Variants in USP10 observed in about 807,000 individuals in gnomAD.
USP10 encodes ubiquitin specific peptidase 10.
A neutral mutation model predicts 84.5 loss-of-function variants in USP10; 22 were observed. The ratio of observed to expected loss-of-function variants is 0.26; its 90% CI spans 0.19 to 0.37. The LOEUF (loss-of-function observed/expected upper bound fraction) is 0.37. USP10 is among the 10% of genes least tolerant of loss of function. USP10 has a pLI of 1.00. For synonymous variants in USP10, 454 were observed against 387.6 expected (o/e 1.17, Z -2.01); for missense variants, 1,019 against 998.9 (o/e 1.02, Z -0.27).
Position 84,744,825 on chromosome 16 carries a change from G to A in USP10, c.344G>A (p.Cys115Tyr), listed in dbSNP as rs781316897. 14 of 1,613,628 alleles carry A rather than the reference G, an allele frequency of 8.7e-6. No homozygotes were observed. The highest frequency in any genetic ancestry group is 1.2e-5 in the Non-Finnish European group (14 of 1,179,722). The change falls in exon 4 of 14, where the codon TGC becomes TAC. Residue 115 changes from cysteine (C) to tyrosine (Y), a missense_variant. Coordinates refer to ENST00000219473, the MANE Select transcript of USP10 (RefSeq NM_005153.3). ...GAAGCAAGCTATGGCTCCATCGACT[G>A]CCAGTACCCAGGCTCTGCCCTCGCT... The part of the protein sequence containing the change: ...TKEASYGSID[C>Y]QYPGSALALD...
rs745656947 is a variant in USP10 at position 84,700,076 on chromosome 16, A to G, written c.-15A>G. 8.1e-5 allele frequency: 111 copies of G among 1,373,454 alleles called. 1 individual carries two copies. Among genetic ancestry groups the G allele is most frequent in the Admixed American group, 5.5e-4 (22 of 39,666 alleles). 85.1% of individuals were successfully genotyped at this position (1,373,454 alleles called of 1,614,324 possible). On this transcript the variant is annotated 5_prime_UTR_variant, in exon 1 of 14. It removes an upstream start codon present in the reference 5' UTR. Transcript: ENST00000219473. ...GCAGCCGGAGGATCGCGGAGTCCCA[A>G]TGAAACGGGCAGCCATGGCCCTCCA... is the stretch of plus-strand genomic sequence containing the variant.
At chr16:84,701,011 C>A (rs1467245133) in intron 1 of USP10, among the ~76,000 whole-genome samples, 1 of 152,096 alleles carries the variant, frequency 6.6e-6, no homozygotes, top group Admixed American at 6.5e-5. Flanking sequence ...ACATCTGGTC[C>A]CTATAAATTG....
intron 4 of USP10, among the ~76,000 whole-genome samples, chr16:84,748,965 A>G (rs1479303564): frequency 6.6e-6 from 1 of 152,198 alleles, no homozygotes; most frequent in African/African-American, 2.4e-5. Context: ...AGTTATGAAG[A>G]TGTTTTAATT....
Position 84,763,937 on chromosome 16 carries a change from G to A in USP10, c.1655-149G>A, listed in dbSNP as rs1471124798. 4.8e-5 allele frequency: 47 copies of A among 975,992 alleles called. No homozygotes were observed. The African/African-American group carries it at 6.8e-4, about 14-fold the overall frequency. The allele number at this position is 975,992 out of a possible 1,614,324, so 60.5% of individuals were successfully genotyped here. Reference sequence around the variant, plus strand: ...TGCGATTGGCCGTGGATCCAGTGACGTTGCTCCTGTTGCGATTGGTTGCCG... The same window carrying A: ...TGCGATTGGCCGTGGATCCAGTGACATTGCTCCTGTTGCGATTGGTTGCCG... On this transcript the variant is annotated intron_variant, in intron 9 of 13. Coordinates refer to ENST00000219473, the MANE Select transcript of USP10 (RefSeq NM_005153.3).
chr16:84,756,280 G>A (rs73245634), intron 4 of USP10, among the ~76,000 whole-genome samples: 272 of 152,300 alleles, frequency 1.8e-3, no homozygotes, highest in African/African-American at 6.2e-3. Flanking sequence ...CGCCTTCAGC[G>A]AAAGGCAGCA....
At position 84,765,942 on chromosome 16, in the gene USP10, A is replaced by G. The variant is rs534059967; in HGVS notation, c.1832+1679A>G. ...TTCAGCAAAACTTGTACCATCTCCAAGAAGGTTTACCCATCGAAAGTACTG... is the reference window on the plus strand; with the variant it reads ...TTCAGCAAAACTTGTACCATCTCCAGGAAGGTTTACCCATCGAAAGTACTG... On this transcript the variant is annotated intron_variant, in intron 10 of 13. Transcript: ENST00000219473. Among the ~76,000 whole-genome samples, 5 of 152,330 alleles carry G rather than the reference A, an allele frequency of 3.3e-5. No homozygotes were observed. In the East Asian group the frequency reaches 7.7e-4, roughly 24 times the overall value.
intron 12 of USP10, among the ~76,000 whole-genome samples, chr16:84,773,268 A>G (rs867941982): frequency 6.6e-6 from 1 of 152,238 alleles, no homozygotes; most frequent in Admixed American, 6.5e-5. Flanking sequence ...GTGAAAACGT[A>G]TAGTACAACA....
At chr16:84,720,340 T>G (rs1907617901) in intron 1 of USP10, among the ~76,000 whole-genome samples, 1 of 152,334 alleles carries the variant, frequency 6.6e-6, no homozygotes, top group East Asian at 1.9e-4. Context: ...AGATGGCACT[T>G]ACAAGTTTCT....
Position 84,772,653 on chromosome 16 carries a change from T to C in USP10, c.2111T>C (p.Ile704Thr). The change falls in exon 12 of 14, where the codon ATT (isoleucine) becomes ACT (threonine). Residue 704 changes from isoleucine (I) to threonine (T), a missense_variant. Coordinates refer to ENST00000219473, the MANE Select transcript of USP10 (RefSeq NM_005153.3). ...TGGCQKLIKN[I>T]EYPVDLEISK... ...GGGTGCCAGAAGCTTATCAAAAATATTGAATATCCTGTGGACTTGGAAATT... is the reference window on the plus strand; with the variant it reads ...GGGTGCCAGAAGCTTATCAAAAATACTGAATATCCTGTGGACTTGGAAATT... The C allele has an allele frequency of 6.2e-7, 1 of 1,614,030 alleles. No homozygotes were observed. The highest frequency in any genetic ancestry group is 8.5e-7 in the Non-Finnish European group (1 of 1,179,894).
chr16:84,710,164 A>G (rs1906086570), intron 1 of USP10, among the ~76,000 whole-genome samples: 1 of 151,614 alleles, frequency 6.6e-6, no homozygotes, highest in African/African-American at 2.4e-5. Flanking sequence ...CAGCTACTTG[A>G]GAGGCTTAGG....
chr16:84,709,729 G>A (rs775293690), intron 1 of USP10, among the ~76,000 whole-genome samples: 3 of 152,148 alleles, frequency 2.0e-5, no homozygotes, highest in East Asian at 1.9e-4. Context: ...CTGGGAAGAC[G>A]TCTCTTGTAG....
At chr16:84,744,510 G>GT in intron 3 of USP10, 123 bp from the exon 4 acceptor site, 6 of 854,290 alleles carry the variant, frequency 7.0e-6, no homozygotes, top group Non-Finnish European at 1.1e-5. Flanking sequence ...AGTAAAGGAC[G>GT]TAATAGATTT....
At chr16:84,723,083 G>T (rs971047322) in intron 1 of USP10, among the ~76,000 whole-genome samples, 2 of 151,894 alleles carry the variant, frequency 1.3e-5, no homozygotes, top group Non-Finnish European at 2.9e-5. Flanking sequence ...AAGATGGGGG[G>T]TGGGGAATAA....
chr16:84,777,035 A>G (rs117523331), intron 13 of USP10, among the ~76,000 whole-genome samples: 3 of 152,346 alleles, frequency 2.0e-5, no homozygotes, highest in East Asian at 3.9e-4. Context: ...CTGGAAGCCT[A>G]TTCTGATCTT....
chr16:84,731,651 T>G (rs1385066653), intron 1 of USP10, among the ~76,000 whole-genome samples: 2 of 152,236 alleles, frequency 1.3e-5, no homozygotes, highest in Non-Finnish European at 2.9e-5. Context: ...ACTTTCAAAA[T>G]GTTGCCCCAT....
Position 84,759,901 on chromosome 16 carries a change from A to C in USP10, c.1405A>C (p.Met469Leu). ...TTTCCCCATGTTTAGTGTTCGGCTA[A>C]TGAATGAGTTCACTAATATGCCAGT... Reference protein sequence around the residue: ...TPMIDSFVRLMNEFTNMPVPP... With the variant: ...TPMIDSFVRLLNEFTNMPVPP... The change falls in exon 7 of 14, where the codon ATG becomes CTG. Residue 469 changes from methionine (M) to leucine (L), a missense_variant. This residue lies in a region of USP10 where 787 missense variants were observed against 708.8 expected (regional missense o/e 1.11). Coordinates refer to ENST00000219473, the MANE Select transcript of USP10 (RefSeq NM_005153.3). The C allele has an allele frequency of 6.2e-7, 1 of 1,614,012 alleles. No individual in the cohort carries two copies. Among genetic ancestry groups the C allele is most frequent in the Non-Finnish European group, 8.5e-7 (1 of 1,179,884 alleles).
chr16:84,736,889 C>G (rs944067047), intron 2 of USP10, among the ~76,000 whole-genome samples: 2 of 152,206 alleles, frequency 1.3e-5, no homozygotes, highest in Admixed American at 1.3e-4. Flanking sequence ...CCCGGGTTCA[C>G]ACCATTCTCC....
rs577779272 is a variant in USP10, at chr16:84,700,084, G to C, written c.-7G>C. ...AGGATCGCGGAGTCCCAATGAAACG[G>C]GCAGCCATGGCCCTCCACAGCCCGC... is the stretch of plus-strand genomic sequence containing the variant. On this transcript the variant is annotated 5_prime_UTR_variant, in exon 1 of 14. Transcript: ENST00000219473. The C allele has an allele frequency of 2.2e-6, 3 of 1,372,802 alleles. No homozygotes were observed. The highest frequency in any genetic ancestry group is 2.9e-6 in the Non-Finnish European group (3 of 1,043,074). The allele number at this position is 1,372,802 out of a possible 1,614,324, so 85.0% of individuals were successfully genotyped here.
chr16:84,720,075 T>C (rs1907583684), intron 1 of USP10, among the ~76,000 whole-genome samples: 1 of 152,008 alleles, frequency 6.6e-6, no homozygotes, highest in Admixed American at 6.6e-5. Flanking sequence ...AGGAGAGGAG[T>C]CTATTTACCA....
Sources: allele counts gnomAD v4.1 joint callset (sites outside exome capture counted in the v4.1 genomes callset), GRCh38; gene constraint gnomAD v4.1.1; regional missense constraint gnomAD v4.1.1; transcripts MANE v1.5; gene names NCBI Gene and HGNC (gene_info 2026-07-23, HGNC 2026-07-21).